ZNRF2: variants seen among roughly 807,000 people sequenced by gnomAD.
ZNRF2 encodes the protein E3 ubiquitin-protein ligase ZNRF2.
In ZNRF2, 16 loss-of-function variants were observed where a neutral mutation model predicts 20.4. That is an observed-to-expected ratio of 0.79 (90% CI 0.53 to 1.19). The LOEUF (loss-of-function observed/expected upper bound fraction) is 1.19. Among genes scored for constraint, ZNRF2 ranks in the 50% most tolerant of loss-of-function variants. The pLI is 0.00. For missense variants in ZNRF2, 363 were observed against 332.4 expected, an observed-to-expected ratio of 1.09 and a Z score of -0.72; for synonymous variants, 178 against 144.9, an observed-to-expected ratio of 1.23 and a Z score of -1.64.
chr7:30,285,771 G>C lies in ZNRF2; in HGVS notation c.414G>C (p.Gly138=). The change falls in exon 1 of 5, where the codon GGG becomes GGC. Residue 138 remains glycine (G), a synonymous_variant. Transcript: ENST00000323037. ...RDRPVGGSPG[G]PRLVIGSLPA... Reference sequence around the variant, plus strand: ...GGCCGGTGGGCGGGAGCCCCGGCGGGCCGCGCCTGGTGATCGGCTCCTTAC... The same window carrying C: ...GGCCGGTGGGCGGGAGCCCCGGCGGCCCGCGCCTGGTGATCGGCTCCTTAC... 1 of 1,492,914 alleles carries C rather than the reference G, an allele frequency of 6.7e-7. No homozygotes were observed. Among genetic ancestry groups the C allele is most frequent in the Non-Finnish European group, 8.9e-7 (1 of 1,128,436 alleles). The allele number at this position is 1,492,914 out of a possible 1,614,324, so 92.5% of individuals were successfully genotyped here.
chr7:30,295,042 AGAGAGAGAGTGTGTGTGTGTGTGTGT>A (rs1328119240), intron 1 of ZNRF2, among the ~76,000 whole-genome samples: 1 of 115,056 alleles, frequency 8.7e-6, no homozygotes, highest in African/African-American at 4.1e-5. Flanking sequence ...AGAGAGAGAG[AGAGAGAGAGTGTGTGTGTGTGTGTGT>A]GTGTGTGTGT....
chr7:30,360,058 G>A lies in ZNRF2; in HGVS notation c.672-2319G>A, dbSNP rs557615151. ...TAGATAACCCTGTAATAGCTGTGTG[G>A]AGTACATATTCTACAACTCAGTAAT... On this transcript the variant is annotated intron_variant, in intron 3 of 4. Transcript: ENST00000323037. Among the ~76,000 whole-genome samples the A allele has an allele frequency of 7.9e-5, 12 of 152,294 alleles. 1 individual carries two copies. The South Asian group carries it at 2.3e-3, about 29-fold the overall frequency.
intron 2 of ZNRF2, among the ~76,000 whole-genome samples, chr7:30,327,627 A>G (rs1015483032): frequency 7.2e-5 from 11 of 152,116 alleles, no homozygotes; most frequent in African/African-American, 2.7e-4. Context: ...ATTTCATGCA[A>G]TAAGTAAATA....
intron 1 of ZNRF2, among the ~76,000 whole-genome samples, chr7:30,293,740 T>G (rs28698320): frequency 0.035 from 5,273 of 152,262 alleles, 331 homozygotes; most frequent in African/African-American, 0.12. Flanking sequence ...TGCAGATTGG[T>G]GGATATATTT....
intron 2 of ZNRF2, among the ~76,000 whole-genome samples, chr7:30,350,126 G>A (rs754944651): frequency 2.0e-5 from 3 of 151,890 alleles, no homozygotes; most frequent in Non-Finnish European, 2.9e-5. Flanking sequence ...GAGCAAAAAG[G>A]CCCAAGAAAG....
At chr7:30,301,700 T>TTA (rs1491407578) in intron 1 of ZNRF2, among the ~76,000 whole-genome samples, 14 of 115,694 alleles carry the variant, frequency 1.2e-4, no homozygotes, top group African/African-American at 4.1e-4. Flanking sequence ...AGGCTTTTTT[T>TTA]AAAAAAAAAA....
intron 2 of ZNRF2, among the ~76,000 whole-genome samples, chr7:30,334,097 G>A (rs1799680988): frequency 6.6e-6 from 1 of 151,984 alleles, no homozygotes; most frequent in Admixed American, 6.6e-5. Flanking sequence ...GTTTTTCCTA[G>A]TTTTTTTCCT....
intron 2 of ZNRF2, among the ~76,000 whole-genome samples, chr7:30,333,419 G>A (rs1474962009): frequency 2.0e-5 from 3 of 151,086 alleles, no homozygotes. Context: ...GCCCAGGCTG[G>A]AGTGCAGTGG....
chr7:30,316,506 A>C (rs1217868695), intron 1 of ZNRF2, among the ~76,000 whole-genome samples: 3 of 152,134 alleles, frequency 2.0e-5, no homozygotes, highest in African/African-American at 7.2e-5. Context: ...ACATTTAGCT[A>C]TTTAGCCTGG....
intron 3 of ZNRF2, 146 bp downstream of exon 3, chr7:30,355,979 TTTGAACTAAGAC>T: frequency 1.8e-6 from 1 of 570,480 alleles, no homozygotes; most frequent in Non-Finnish European, 3.0e-6. Flanking sequence ...TTTTTCTCTA[TTTGAACTAAGAC>T]TTGAACCCAC....
chr7:30,328,918 G>A (rs1425908977), intron 2 of ZNRF2, among the ~76,000 whole-genome samples: 1 of 152,166 alleles, frequency 6.6e-6, no homozygotes, highest in African/African-American at 2.4e-5. Flanking sequence ...GCCACAGTGA[G>A]TATTCAACAA....
intron 2 of ZNRF2, among the ~76,000 whole-genome samples, chr7:30,338,423 GC>G (rs561416268): frequency 0.024 from 857 of 36,072 alleles, 6 homozygotes; most frequent in African/African-American, 0.072. Context: ...CCCTCCCCTA[GC>G]CCCCCCCCAC....
In ZNRF2 at chr7:30,291,942, G is replaced by T. The variant is rs565528206; in HGVS notation, c.469+6116G>T. On this transcript the variant is annotated intron_variant, in intron 1 of 4. Coordinates refer to ENST00000323037, the MANE Select transcript of ZNRF2 (RefSeq NM_147128.4). ...GAAAGGAAGTTTTTTAAAAACCTGG[G>T]TTTTTTTTTAATTATAAAAATAATA... is the stretch of plus-strand genomic sequence containing the variant. 6.7e-4 allele frequency among the ~76,000 whole-genome samples: 102 copies of T among 151,434 alleles called. No homozygotes were observed. In the South Asian group the frequency reaches 0.01, roughly 15 times the overall value.
At chr7:30,293,859 A>C (rs946995401) in intron 1 of ZNRF2, among the ~76,000 whole-genome samples, 1 of 152,232 alleles carries the variant, frequency 6.6e-6, no homozygotes, top group South Asian at 2.1e-4. Context: ...TTTGAATTTC[A>C]TAAGTTCCGA....
intron 2 of ZNRF2, among the ~76,000 whole-genome samples, chr7:30,355,311 T>C (rs1188279592): frequency 6.6e-6 from 1 of 152,114 alleles, no homozygotes; most frequent in Non-Finnish European, 1.5e-5. Flanking sequence ...TATTATTTTA[T>C]AATTTTTAAA....
intron 2 of ZNRF2, among the ~76,000 whole-genome samples, chr7:30,327,361 A>C (rs1245375111): frequency 6.6e-6 from 1 of 152,158 alleles, no homozygotes; most frequent in African/African-American, 2.4e-5. Context: ...AATCTTCTGC[A>C]TATGGCTAGC....
intron 1 of ZNRF2, among the ~76,000 whole-genome samples, chr7:30,308,599 C>T (rs1257281635): frequency 6.6e-6 from 1 of 152,134 alleles, no homozygotes; most frequent in African/African-American, 2.4e-5. Context: ...AACCACTGCT[C>T]TGGGATATAT....
intron 1 of ZNRF2, among the ~76,000 whole-genome samples, chr7:30,322,319 G>A (rs1583580923): frequency 1.3e-5 from 2 of 152,212 alleles, no homozygotes; most frequent in Non-Finnish European, 2.9e-5. Context: ...TTCGGCATGA[G>A]GTATAATTCT....
intron 3 of ZNRF2, among the ~76,000 whole-genome samples, chr7:30,361,414 T>C (rs983857329): frequency 2.0e-5 from 3 of 152,252 alleles, no homozygotes; most frequent in Non-Finnish European, 4.4e-5. Flanking sequence ...ATGAGGATGA[T>C]AAATGTTAAT....
Sources: allele counts gnomAD v4.1 joint callset (sites outside exome capture counted in the v4.1 genomes callset), GRCh38; gene constraint gnomAD v4.1.1; transcripts MANE v1.5; gene names NCBI Gene and HGNC (gene_info 2026-07-23, HGNC 2026-07-21).